RTCB: variants seen among roughly 807,000 people sequenced by gnomAD.
RTCB encodes the protein RNA-splicing ligase RTCB.
Under a neutral mutation model 58.2 loss-of-function variants are expected in RTCB, and 32 were observed. That is an observed-to-expected ratio of 0.55 (90% CI 0.41 to 0.74). The LOEUF (loss-of-function observed/expected upper bound fraction) is 0.74. Among genes scored for constraint, RTCB ranks in the 30% least tolerant of loss-of-function variants. RTCB has a pLI of 0.00. For missense variants in RTCB, 523 were observed against 639.0 expected, an observed-to-expected ratio of 0.82 and a Z score of 1.96; for synonymous variants, 247 against 218.6, an observed-to-expected ratio of 1.13 and a Z score of -1.15.
intron 5 of RTCB, among the ~76,000 whole-genome samples, chr22:32,400,904 T>C (rs1433848315): frequency 2.0e-5 from 3 of 152,150 alleles, no homozygotes; most frequent in Admixed American, 1.3e-4. Flanking sequence ...GTAAAATCTA[T>C]GGCCATCTGA....
rs1448969705 is a variant in RTCB, at chr22:32,387,961, G to T, written c.*31C>A. The T allele has an allele frequency of 3.7e-6, 5 of 1,367,410 alleles. No individual in the cohort carries two copies. The East Asian group carries it at 1.1e-4, about 31-fold the overall frequency. 84.7% of individuals were successfully genotyped at this position (1,367,410 alleles called of 1,614,324 possible). A position where few individuals can be genotyped will look rare whatever the true frequency, so the allele number is the denominator to read the frequency against. On this transcript the variant is annotated 3_prime_UTR_variant, in exon 12 of 12. Coordinates refer to ENST00000216038, the MANE Select transcript of RTCB (RefSeq NM_014306.5). The stretch of plus-strand genomic sequence containing the variant: ...TCCACTTCCACTTCAGAGAGGGTTG[G>T]TGGTGTCAGGCAGCCCTGCTGTCCA...
chr22:32,402,022 G>A, intron 4 of RTCB, 119 bp from the exon 5 acceptor site: 1 of 1,100,056 alleles, frequency 9.1e-7, no homozygotes, highest in Non-Finnish European at 1.3e-6. Context: ...ATGTTTTAAA[G>A]TAGACAACAA....
In RTCB at chr22:32,395,155, A is replaced by C. The variant is rs1466149627; in HGVS notation, c.1050T>G (p.Asp350Glu). The change falls in exon 9 of 12, where the codon GAT (aspartate) becomes GAG (glutamate). Residue 350 changes from aspartate to glutamate, a missense_variant. By Grantham distance (45) the Asp-to-Glu change is conservative. This residue lies in a region of RTCB where 248 missense variants were observed against 292.5 expected (regional missense o/e 0.85). Coordinates refer to ENST00000216038, the MANE Select transcript of RTCB (RefSeq NM_014306.5). Reference protein sequence around the residue: ...PDDLDLHVIYDVSHNIAKVEQ... With the variant: ...PDDLDLHVIYEVSHNIAKVEQ... ...CCACTTTGGCAATGTTGTGAGAAAC[A>C]TCATAGATCACATGTAGGTCCAAGT... 1 of 1,614,232 alleles carries C rather than the reference A, an allele frequency of 6.2e-7. No individual in the cohort carries two copies. Among genetic ancestry groups the C allele is most frequent in the Admixed American group, 1.7e-5 (1 of 60,030 alleles).
chr22:32,404,084 C>T (rs577374313), intron 4 of RTCB, among the ~76,000 whole-genome samples: 8 of 152,250 alleles, frequency 5.3e-5, no homozygotes, highest in African/African-American at 1.4e-4. Flanking sequence ...AGGCTGTTTC[C>T]GTATCTTGGC....
At chr22:32,393,096 G>C (rs546470927) in intron 10 of RTCB, among the ~76,000 whole-genome samples, 1 of 152,262 alleles carries the variant, frequency 6.6e-6, no homozygotes, top group South Asian at 2.1e-4. Context: ...CACCACACCC[G>C]GCTAATTTAA....
intron 4 of RTCB, among the ~76,000 whole-genome samples, chr22:32,403,426 A>C (rs1488012181): frequency 2.0e-5 from 3 of 152,106 alleles, no homozygotes; most frequent in East Asian, 1.9e-4. Context: ...AGAAAAAAAA[A>C]CCTGTATATA....
At chr22:32,393,245 TC>T (rs1317749131) in intron 10 of RTCB, among the ~76,000 whole-genome samples, 3 of 152,200 alleles carry the variant, frequency 2.0e-5, no homozygotes, top group African/African-American at 7.2e-5. Flanking sequence ...CTAAAATAGT[TC>T]TATTAGAACA....
Position 32,399,639 on chromosome 22 carries a change from T to C in RTCB, c.618A>G (p.Lys206=), listed in dbSNP as rs57526188. 11,475 of 1,613,782 alleles carry C rather than the reference T, an allele frequency of 7.1e-3. 571 individuals carry two copies. The African/African-American group carries it at 0.12, about 17-fold the overall frequency. ...YGRMLQADPN[K]VSARAKKRGL... ...CTCTTTTCTTCGCCCTTGCAGAAAC[T>C]TTATTGGGGTCAGCCTGCAGCATCC... is the stretch of plus-strand genomic sequence containing the variant. Residue 206 remains lysine, a synonymous_variant, in exon 6 of 12, where the codon AAA becomes AAG. Coordinates refer to ENST00000216038, the MANE Select transcript of RTCB (RefSeq NM_014306.5).
intron 1 of RTCB, among the ~76,000 whole-genome samples, chr22:32,410,110 C>G (rs9606950): frequency 0.12 from 18,922 of 152,178 alleles, 1,585 homozygotes; most frequent in Non-Finnish European, 0.19. Context: ...GCCACCGCAC[C>G]CAGCCAGTAC....
chr22:32,397,029 T>C (rs938653422), intron 7 of RTCB, among the ~76,000 whole-genome samples: 1 of 152,198 alleles, frequency 6.6e-6, no homozygotes, highest in African/African-American at 2.4e-5. Flanking sequence ...AGCAATAATA[T>C]GAACCTGGGA....
At chr22:32,399,461 G>T in intron 6 of RTCB, 142 bp downstream of exon 6, 1 of 806,382 alleles carries the variant, frequency 1.2e-6, no homozygotes, top group Non-Finnish European at 1.9e-6. Context: ...TAAAAATGAA[G>T]CATAAACAAA....
chr22:32,398,690 CAA>C (rs1485212070), intron 6 of RTCB, among the ~76,000 whole-genome samples: 1 of 152,128 alleles, frequency 6.6e-6, no homozygotes, highest in Non-Finnish European at 1.5e-5. Context: ...TTAAACATCA[CAA>C]AGAGTCAAAT....
chr22:32,390,091 T>C (rs1275268345), intron 11 of RTCB, among the ~76,000 whole-genome samples: 1 of 152,230 alleles, frequency 6.6e-6, no homozygotes, highest in Non-Finnish European at 1.5e-5. Flanking sequence ...ACTGAAGTCT[T>C]CTCCGACCAC....
chr22:32,391,129 T>G (rs1933147758), intron 11 of RTCB, among the ~76,000 whole-genome samples: 1 of 152,160 alleles, frequency 6.6e-6, no homozygotes, highest in Non-Finnish European at 1.5e-5. Context: ...CTAATTACTA[T>G]AACAACTGGA....
At chr22:32,388,601 G>A (rs1262080005) in intron 11 of RTCB, among the ~76,000 whole-genome samples, 1 of 151,968 alleles carries the variant, frequency 6.6e-6, no homozygotes, top group Non-Finnish European at 1.5e-5. Context: ...ATGTATATGT[G>A]GGTATCTATG....
intron 4 of RTCB, among the ~76,000 whole-genome samples, chr22:32,403,585 ATATTT>A (rs1391028693): frequency 6.6e-6 from 1 of 152,156 alleles, no homozygotes; most frequent in Non-Finnish European, 1.5e-5. Flanking sequence ...CAAGTACACA[ATATTT>A]TATTTTAGAG....
chr22:32,396,171 A>G lies in RTCB; in HGVS notation c.893T>C (p.Ile298Thr). ...VNDRQLACARIASPEGQDYLK... is the reference protein window; with the variant it reads ...VNDRQLACARTASPEGQDYLK... The stretch of plus-strand genomic sequence containing the variant: ...ATAGTCTTGACCCTCTGGGGAAGCG[A>G]TTCGAGCACAAGCCAACTGCCGATC... Residue 298 changes from isoleucine to threonine, a missense_variant, in exon 8 of 12, where the codon ATC becomes ACC. This residue lies in a region of RTCB where 248 missense variants were observed against 292.5 expected (regional missense o/e 0.85). Transcript: ENST00000216038. The G allele has an allele frequency of 6.2e-7, 1 of 1,614,222 alleles. No homozygotes were observed. Among genetic ancestry groups the G allele is most frequent in the Non-Finnish European group, 8.5e-7 (1 of 1,180,040 alleles).
chr22:32,393,047 C>T (rs1280022217), intron 10 of RTCB, among the ~76,000 whole-genome samples: 1 of 152,214 alleles, frequency 6.6e-6, no homozygotes, highest in East Asian at 1.9e-4. Flanking sequence ...AGCAATCCTC[C>T]TGCCTTAGCC....
rs764594076 is a variant in RTCB at position 32,401,842 on chromosome 22, AC to A, written c.401del (p.Ser134MetfsTer6). Reference sequence around the variant, plus strand: ...GTTGCTCCTTCACAGGCTGGACATCACTTTCATCTAAATTGGTTCTTAGCAA... The same window carrying A: ...GTTGCTCCTTCACAGGCTGGACATCATTTCATCTAAATTGGTTCTTAGCAA... ...VRLLRTNLDESDVQPVKEQLA... is the reference protein window; with the variant it reads ...VRLLRTNLDEXDVQPVKEQLA... On this transcript the variant is annotated frameshift_variant, in exon 5 of 12. Transcript: ENST00000216038. LOFTEE classifies it high-confidence loss of function. The A allele has an allele frequency of 6.2e-7, 1 of 1,614,146 alleles. No individual in the cohort carries two copies. The highest frequency in any genetic ancestry group is 8.5e-7 in the Non-Finnish European group (1 of 1,179,978).
Sources: allele counts gnomAD v4.1 joint callset (sites outside exome capture counted in the v4.1 genomes callset), GRCh38; gene constraint gnomAD v4.1.1; regional missense constraint gnomAD v4.1.1; transcripts MANE v1.5; gene names NCBI Gene and HGNC (gene_info 2026-07-23, HGNC 2026-07-21).